Variants in EPC2 observed in about 807,000 individuals in gnomAD.
EPC2 encodes the protein enhancer of polycomb 2.
In EPC2, 14 loss-of-function variants were observed where a neutral mutation model predicts 92.1. The observed-to-expected ratio is 0.15, with a 90% CI of 0.10 to 0.24. The LOEUF (loss-of-function observed/expected upper bound fraction) is 0.24. Among genes scored for constraint, EPC2 ranks in the 10% least tolerant of loss-of-function variants. EPC2 has a pLI of 1.00. For synonymous variants in EPC2, 340 were observed against 334.7 expected, an observed-to-expected ratio of 1.02 and a Z score of -0.17; for missense variants, 755 against 971.5, an observed-to-expected ratio of 0.78 and a Z score of 2.96.
intron 13 of EPC2, among the ~76,000 whole-genome samples, chr2:148,785,335 G>A (rs1428660504): frequency 2.1e-5 from 3 of 144,598 alleles, no homozygotes; most frequent in South Asian, 2.5e-4. Context: ...CCCACTGCCC[G>A]CCCCACCCCC....
chr2:148,771,129 T>C lies in EPC2; in HGVS notation c.1462T>C (p.Ser488Pro), dbSNP rs369986379. Residue 488 changes from serine (S) to proline (P), a missense_variant, in exon 10 of 14, where the codon TCC (serine) becomes CCC (proline). By Grantham distance (74) the Ser-to-Pro change is moderately conservative. Coordinates refer to ENST00000258484, the MANE Select transcript of EPC2 (RefSeq NM_015630.4). ...AATGCTGAATAGTTTTTCAAGCTCTTCCCAAACTATAGACTTTTCTTCTAA... is the reference window on the plus strand; with the variant it reads ...AATGCTGAATAGTTTTTCAAGCTCTCCCCAAACTATAGACTTTTCTTCTAA... Reference protein sequence around the residue: ...PEMLNSFSSSSQTIDFSSNFS... With the variant: ...PEMLNSFSSSPQTIDFSSNFS... 4.0e-5 allele frequency: 65 copies of C among 1,613,800 alleles called. No individual in the cohort carries two copies. The highest frequency in any genetic ancestry group is 5.5e-5 in the Non-Finnish European group (65 of 1,179,840).
At chr2:148,690,400 G>A (rs1681619262) in intron 2 of EPC2, 27 bp downstream of exon 2, 2 of 1,540,244 alleles carry the variant, frequency 1.3e-6, no homozygotes, top group Admixed American at 4.5e-5. Context: ...ATTGTTTTCT[G>A]TTTGTACTTT....
At chr2:148,690,515 C>A in intron 2 of EPC2, 142 bp downstream of exon 2, 2 of 761,574 alleles carry the variant, frequency 2.6e-6, no homozygotes, top group Non-Finnish European at 4.0e-6. Flanking sequence ...AGAATAAAAT[C>A]CCTCTGTGCT....
intron 1 of EPC2, among the ~76,000 whole-genome samples, chr2:148,646,421 C>T (rs1317168911): frequency 6.6e-6 from 1 of 152,104 alleles, no homozygotes; most frequent in Non-Finnish European, 1.5e-5. Context: ...ATGCATATGG[C>T]CGTAGCATCG....
intron 2 of EPC2, among the ~76,000 whole-genome samples, chr2:148,720,020 G>A (rs1429788871): frequency 2.6e-5 from 4 of 152,172 alleles, no homozygotes; most frequent in African/African-American, 4.8e-5. Flanking sequence ...GCCATGCCTT[G>A]ACAAAACAGC....
rs145225548 is a variant in EPC2 at position 148,716,669 on chromosome 2, C to T, written c.313+26296C>T. Among the ~76,000 whole-genome samples the T allele has an allele frequency of 5.5e-4, 84 of 152,196 alleles. No homozygotes were observed. In the East Asian group the frequency reaches 0.015, roughly 28 times the overall value. ...GCCAGTATTTTGTTGAGTTTTGCAT[C>T]GAGGTTCACCAAAGATGTTGGCCTG... On this transcript the variant is annotated intron_variant, in intron 2 of 13. Coordinates refer to ENST00000258484, the MANE Select transcript of EPC2 (RefSeq NM_015630.4).
At chr2:148,646,462 A>C (rs1423453206) in intron 1 of EPC2, among the ~76,000 whole-genome samples, 1 of 152,164 alleles carries the variant, frequency 6.6e-6, no homozygotes, top group Non-Finnish European at 1.5e-5. Context: ...GTACACACAC[A>C]AATATGTAAT....
intron 11 of EPC2, among the ~76,000 whole-genome samples, chr2:148,782,531 T>C (rs1276603791): frequency 6.8e-6 from 1 of 146,210 alleles, no homozygotes; most frequent in African/African-American, 2.5e-5. Flanking sequence ...AGTCAGACTA[T>C]GTCTCCAAAA....
At chr2:148,733,303 A>C (rs989150602) in intron 2 of EPC2, among the ~76,000 whole-genome samples, 1 of 151,756 alleles carries the variant, frequency 6.6e-6, no homozygotes, top group Non-Finnish European at 1.5e-5. Flanking sequence ...TTTCTCAGAA[A>C]TACTTTACTT....
intron 2 of EPC2, among the ~76,000 whole-genome samples, chr2:148,709,796 A>C (rs144370309): frequency 6.6e-6 from 1 of 152,306 alleles, no homozygotes; most frequent in African/African-American, 2.4e-5. Context: ...CCAGCCATGT[A>C]TGGAAAGCTG....
At chr2:148,679,444 C>T (rs1296524164) in intron 1 of EPC2, among the ~76,000 whole-genome samples, 1 of 152,254 alleles carries the variant, frequency 6.6e-6, no homozygotes, top group South Asian at 2.1e-4. Context: ...TGCAGAGGCT[C>T]TCTGAGAACT....
chr2:148,659,463 C>G (rs1360923282), intron 1 of EPC2, among the ~76,000 whole-genome samples: 2 of 152,016 alleles, frequency 1.3e-5, no homozygotes, highest in Non-Finnish European at 2.9e-5. Context: ...AAGTTTTAGA[C>G]TGAATTTATA....
At chr2:148,732,706 T>G (rs558916509) in intron 2 of EPC2, among the ~76,000 whole-genome samples, 36 of 152,164 alleles carry the variant, frequency 2.4e-4, no homozygotes, top group Non-Finnish European at 4.0e-4. Flanking sequence ...TAATATCCCT[T>G]GAGGTAGTAG....
rs1378026665 is a variant in EPC2, at chr2:148,644,856, G to A, written c.-162G>A. Reference sequence around the variant, plus strand: ...CGGGCGCGGGGGGCTGTTTTCGGGCGGGGTGGGCGCCCATGCTGTGGCCGG... The same window carrying A: ...CGGGCGCGGGGGGCTGTTTTCGGGCAGGGTGGGCGCCCATGCTGTGGCCGG... On this transcript the variant is annotated 5_prime_UTR_variant, in exon 1 of 14. Coordinates refer to ENST00000258484, the MANE Select transcript of EPC2 (RefSeq NM_015630.4). 1.0e-5 allele frequency: 6 copies of A among 582,766 alleles called. No homozygotes were observed. The highest frequency in any genetic ancestry group is 1.7e-5 in the Non-Finnish European group (6 of 345,024). The allele number at this position is 582,766 out of a possible 1,614,324, so 36.1% of individuals were successfully genotyped here. A position where few individuals can be genotyped will look rare whatever the true frequency, so the allele number is the denominator to read the frequency against.
intron 3 of EPC2, among the ~76,000 whole-genome samples, chr2:148,748,631 A>C (rs1335061308): frequency 6.6e-6 from 1 of 152,188 alleles, no homozygotes; most frequent in East Asian, 1.9e-4. Context: ...GATGGAACCC[A>C]ACTGTAAACA....
intron 1 of EPC2, among the ~76,000 whole-genome samples, chr2:148,646,647 G>A (rs1425886098): frequency 2.6e-5 from 4 of 151,572 alleles, no homozygotes; most frequent in South Asian, 4.2e-4. Flanking sequence ...CCATGGGAAG[G>A]AAAATTAAAA....
At chr2:148,651,786 A>G (rs949126267) in intron 1 of EPC2, among the ~76,000 whole-genome samples, 1 of 152,186 alleles carries the variant, frequency 6.6e-6, no homozygotes, top group African/African-American at 2.4e-5. Context: ...ACTTTGTTAA[A>G]CTTAATAGAT....
chr2:148,711,626 G>C (rs918189749), intron 2 of EPC2, among the ~76,000 whole-genome samples: 7 of 152,114 alleles, frequency 4.6e-5, no homozygotes, highest in African/African-American at 1.7e-4. Context: ...TCCATTTTAA[G>C]TATGTCCTTA....
At chr2:148,646,279 G>A (rs1156437714) in intron 1 of EPC2, among the ~76,000 whole-genome samples, 1 of 152,192 alleles carries the variant, frequency 6.6e-6, no homozygotes, top group East Asian at 1.9e-4. Flanking sequence ...TGCAGGAAAT[G>A]CTTTTATGCC....
Sources: allele counts gnomAD v4.1 joint callset (sites outside exome capture counted in the v4.1 genomes callset), GRCh38; gene constraint gnomAD v4.1.1; transcripts MANE v1.5; gene names NCBI Gene and HGNC (gene_info 2026-07-23, HGNC 2026-07-21).